The following TOX2 variants were observed in gnomAD, a reference collection of about 807,000 sequenced individuals.
The protein encoded by TOX2 is granulosa cell HMG box 1.
Under a neutral mutation model 47.4 loss-of-function variants are expected in TOX2, and 15 were observed. The ratio of observed to expected loss-of-function variants is 0.32; its 90% CI spans 0.21 to 0.49. The LOEUF is 0.49. Ranked by LOEUF, TOX2 falls within the 20% of genes least tolerant of loss-of-function variation. The probability of loss-of-function intolerance (pLI) is 0.99; values close to 1 mark genes in which losing one functional copy is unlikely to be tolerated. For synonymous variants in TOX2, 290 were observed against 296.6 expected, an observed-to-expected ratio of 0.98 and a Z score of 0.23; for missense variants, 622 against 673.1, an observed-to-expected ratio of 0.92 and a Z score of 0.84.
At chr20:43,956,888 T>C (rs2069677915) in intron 1 of TOX2, among the ~76,000 whole-genome samples, 1 of 152,246 alleles carries the variant, frequency 6.6e-6, no homozygotes, top group South Asian at 2.1e-4. Context: ...GTGTGACTTT[T>C]GTTTGAATCC....
intron 1 of TOX2, among the ~76,000 whole-genome samples, chr20:43,951,953 G>C (rs2069582225): frequency 6.6e-6 from 1 of 151,924 alleles, no homozygotes; most frequent in East Asian, 1.9e-4. Flanking sequence ...CTGGAGTGCA[G>C]TGGTGCGATC....
At position 44,039,177 on chromosome 20, in the gene TOX2, G is replaced by A. The variant is rs192408834; in HGVS notation, c.412-12129G>A. The A allele has an allele frequency of 6.3e-6, 8 of 1,271,562 alleles. No individual in the cohort carries two copies. The East Asian group carries it at 3.4e-4, about 53-fold the overall frequency. 78.8% of individuals were successfully genotyped at this position (1,271,562 alleles called of 1,614,324 possible). A position where few individuals can be genotyped will look rare whatever the true frequency, so the allele number is the denominator to read the frequency against. On this transcript the variant is annotated intron_variant, in intron 3 of 8. Coordinates refer to ENST00000341197, the MANE Select transcript of TOX2 (RefSeq NM_001098797.2). ...GCCAGAGGCTTGGAAAGAGGGTGAG[G>A]CCAGAGGATGGAGCAGGAGAGGGAA... is the stretch of plus-strand genomic sequence containing the variant.
intron 1 of TOX2, among the ~76,000 whole-genome samples, chr20:43,952,009 G>A (rs1016124465): frequency 5.8e-4 from 88 of 151,658 alleles, no homozygotes; most frequent in African/African-American, 2.1e-3. Context: ...TGATTCTCCT[G>A]TCTCGCCCTC....
chr20:43,969,954 G>A (rs772088656), intron 1 of TOX2, among the ~76,000 whole-genome samples: 43 of 152,052 alleles, frequency 2.8e-4, no homozygotes, highest in South Asian at 1.2e-3. Flanking sequence ...CACTCGTGTC[G>A]GAGACCAGGC....
chr20:43,972,992 A>G (rs966987401), intron 1 of TOX2, among the ~76,000 whole-genome samples: 1 of 152,244 alleles, frequency 6.6e-6, no homozygotes, highest in Admixed American at 6.5e-5. Context: ...TTCCAGCTCT[A>G]GCTGATCACC....
At chr20:43,930,132 T>C (rs565360758) in intron 1 of TOX2, among the ~76,000 whole-genome samples, 1 of 152,384 alleles carries the variant, frequency 6.6e-6, no homozygotes, top group African/African-American at 2.4e-5. Context: ...TGCATCCCCA[T>C]GGTGTCTGAC....
At chr20:43,966,730 G>A (rs574775383) in intron 1 of TOX2, among the ~76,000 whole-genome samples, 119 of 150,828 alleles carry the variant, frequency 7.9e-4, no homozygotes, top group African/African-American at 2.7e-3. Context: ...CTCCAGCCTG[G>A]GCGACAGAGC....
chr20:44,030,740 T>C (rs2071137426), intron 3 of TOX2, among the ~76,000 whole-genome samples: 2 of 152,258 alleles, frequency 1.3e-5, no homozygotes, highest in East Asian at 3.9e-4. Context: ...ATATAGCAGA[T>C]AGTTAATAAA....
At chr20:43,920,696 C>T (rs1388911700) in intron 1 of TOX2, among the ~76,000 whole-genome samples, 4 of 152,192 alleles carry the variant, frequency 2.6e-5, no homozygotes, top group African/African-American at 9.7e-5. Flanking sequence ...GACCTTGAGC[C>T]TGTCAGCACC....
intron 5 of TOX2, among the ~76,000 whole-genome samples, chr20:44,063,098 C>G (rs996626188): frequency 6.6e-6 from 1 of 152,062 alleles, no homozygotes; most frequent in African/African-American, 2.4e-5. Context: ...ACTTCATGAC[C>G]AAGAACCCAA....
rs760333099 is a variant in TOX2 at position 44,051,283 on chromosome 20, A to G, written c.412-23A>G. The G allele has an allele frequency of 1.3e-5, 20 of 1,577,662 alleles. No homozygotes were observed. The South Asian group carries it at 2.1e-4, about 16-fold the overall frequency. On this transcript the variant is annotated intron_variant, in intron 3 of 8. Coordinates refer to ENST00000341197, the MANE Select transcript of TOX2 (RefSeq NM_001098797.2). ...GGCAGGACAGATCCTTCCTAACTCA[A>G]CCCTCCTGTCCTCCTCTCTTAGATC...
intron 3 of TOX2, among the ~76,000 whole-genome samples, chr20:44,038,634 G>A (rs2071278056): frequency 6.6e-6 from 1 of 151,794 alleles, no homozygotes; most frequent in South Asian, 2.1e-4. Context: ...ATTTAATTGT[G>A]GAAAAAAAGA....
At chr20:43,984,861 A>G (rs2070237665) in intron 2 of TOX2, among the ~76,000 whole-genome samples, 1 of 152,068 alleles carries the variant, frequency 6.6e-6, no homozygotes, top group Non-Finnish European at 1.5e-5. Flanking sequence ...AGTGGGGTGG[A>G]CACGTGATTT....
chr20:44,010,296 G>C (rs2070757868), intron 3 of TOX2, among the ~76,000 whole-genome samples: 1 of 152,140 alleles, frequency 6.6e-6, no homozygotes, highest in South Asian at 2.1e-4. Context: ...AAATGCTTTT[G>C]TTGGGCTCTG....
chr20:44,030,596 A>G (rs1280172000), intron 3 of TOX2, among the ~76,000 whole-genome samples: 14 of 152,018 alleles, frequency 9.2e-5, no homozygotes, highest in African/African-American at 3.4e-4. Flanking sequence ...TGTGCCCTTG[A>G]CCGCTGATCT....
At chr20:44,013,731 C>A (rs1191726288) in intron 3 of TOX2, among the ~76,000 whole-genome samples, 1 of 152,186 alleles carries the variant, frequency 6.6e-6, no homozygotes, top group African/African-American at 2.4e-5. Flanking sequence ...AGCCTGCCTG[C>A]AGCTGCTTAT....
At chr20:44,004,198 G>T (rs1467037021) in intron 2 of TOX2, among the ~76,000 whole-genome samples, 1 of 152,186 alleles carries the variant, frequency 6.6e-6, no homozygotes, top group Non-Finnish European at 1.5e-5. Context: ...CACGGCAGGG[G>T]AAGGGGTATT....
chr20:44,067,433 C>T (rs558725237), intron 8 of TOX2, among the ~76,000 whole-genome samples: 12 of 152,194 alleles, frequency 7.9e-5, no homozygotes, highest in Admixed American at 1.3e-4. Flanking sequence ...TGGGCTGCCC[C>T]GGGGTGAGTG....
chr20:43,983,489 C>T (rs762206515), intron 2 of TOX2, among the ~76,000 whole-genome samples: 10 of 152,236 alleles, frequency 6.6e-5, no homozygotes, highest in African/African-American at 1.4e-4. Context: ...TCAGACCTGC[C>T]GCTCCCTGAG....
Sources: allele counts gnomAD v4.1 joint callset (sites outside exome capture counted in the v4.1 genomes callset), GRCh38; gene constraint gnomAD v4.1.1; transcripts MANE v1.5; gene names NCBI Gene and HGNC (gene_info 2026-07-23, HGNC 2026-07-21).